Variants in FER observed in about 807,000 individuals in gnomAD.
The protein encoded by FER is tyrosine-protein kinase Fer.
Under a neutral mutation model 111.0 loss-of-function variants are expected in FER, and 63 were observed. That is an observed-to-expected ratio of 0.57 (90% confidence interval 0.46 to 0.70). FER has a LOEUF of 0.70. FER is among the 30% of genes least tolerant of loss of function. The pLI, the probability that FER is intolerant of heterozygous loss-of-function variation, is 0.00. For synonymous variants in FER, 327 were observed against 313.9 expected (o/e 1.04, Z -0.44); for missense variants, 914 against 954.0 (o/e 0.96, Z 0.55).
intron 2 of FER, among the ~76,000 whole-genome samples, chr5:108,778,644 T>C (rs905591527): frequency 1.1e-4 from 16 of 152,230 alleles, no homozygotes; most frequent in African/African-American, 3.9e-4. Flanking sequence ...GTGAGTTGTC[T>C]GTTAAGGTCT....
chr5:109,038,609 C>T (rs186185899), intron 14 of FER, among the ~76,000 whole-genome samples: 1 of 152,026 alleles, frequency 6.6e-6, no homozygotes, highest in Admixed American at 6.6e-5. Flanking sequence ...TAAAGAACCT[C>T]AAGCTAAAAG....
chr5:109,027,893 A>G (rs1768983569), intron 13 of FER, among the ~76,000 whole-genome samples: 1 of 152,220 alleles, frequency 6.6e-6, no homozygotes, highest in African/African-American at 2.4e-5. Flanking sequence ...AGTTATTTTT[A>G]TAGCTTTTGC....
Position 108,883,388 on chromosome 5 carries a change from T to A in FER, c.924-8T>A. 3.1e-6 allele frequency: 5 copies of A among 1,595,404 alleles called. No individual in the cohort carries two copies. The highest frequency in any genetic ancestry group is 4.3e-6 in the Non-Finnish European group (5 of 1,171,534). On this transcript the variant is annotated splice_polypyrimidine_tract_variant and splice_region_variant and intron_variant, in intron 8 of 19. Coordinates refer to ENST00000281092, the MANE Select transcript of FER (RefSeq NM_005246.4). ...GTTGGTTGTTATTGAGGATACTGTT[T>A]ATTCTAGGTTGAAAACGTTAGCGGA...
intron 2 of FER, among the ~76,000 whole-genome samples, chr5:108,780,518 C>A (rs955900248): frequency 1.3e-5 from 2 of 151,262 alleles, no homozygotes; most frequent in African/African-American, 4.9e-5. Flanking sequence ...GTCTTTTTTC[C>A]ACTGTCTTCT....
At chr5:108,864,427 T>G (rs1375658207) in intron 5 of FER, among the ~76,000 whole-genome samples, 1 of 152,144 alleles carries the variant, frequency 6.6e-6, no homozygotes, top group Non-Finnish European at 1.5e-5. Flanking sequence ...AACCCTCACC[T>G]TTTCTCTGCT....
chr5:108,964,429 T>C (rs1215509785), intron 13 of FER, among the ~76,000 whole-genome samples: 1 of 152,222 alleles, frequency 6.6e-6, no homozygotes, highest in Non-Finnish European at 1.5e-5. Flanking sequence ...TGTACCAACC[T>C]ATCAGAACAG....
intron 17 of FER, among the ~76,000 whole-genome samples, chr5:109,103,745 A>C (rs868346678): frequency 2.2e-4 from 34 of 152,198 alleles, no homozygotes; most frequent in African/African-American, 8.0e-4. Flanking sequence ...GTTTACTTAC[A>C]AAGGTATGTT....
intron 3 of FER, among the ~76,000 whole-genome samples, chr5:108,829,259 A>G (rs1246854743): frequency 1.3e-5 from 2 of 152,004 alleles, no homozygotes; most frequent in South Asian, 2.1e-4. Flanking sequence ...CTGCTCTGCT[A>G]TTTCTGTTAT....
chr5:109,048,785 T>A (rs535711202), intron 16 of FER, among the ~76,000 whole-genome samples: 39 of 152,094 alleles, frequency 2.6e-4, no homozygotes, highest in Non-Finnish European at 4.0e-4. Flanking sequence ...TTAATGCAGA[T>A]GCTTTAAATT....
Position 108,798,301 on chromosome 5 carries a change from A to ATCTACTTTAC in FER, c.119_120insTCTACTTTAC (p.Lys40AsnfsTer15). 1 of 1,614,008 alleles carries ATCTACTTTAC rather than the reference A, an allele frequency of 6.2e-7. No homozygotes were observed. Among genetic ancestry groups the ATCTACTTTAC allele is most frequent in the Non-Finnish European group, 8.5e-7 (1 of 1,179,864 alleles). On this transcript the variant is annotated frameshift_variant, in exon 3 of 20. Transcript: ENST00000281092. LOFTEE classifies it high-confidence loss of function. ...ATGGCCCTGAGAATAAAAAGTGATA[A>ATCTACTTTAC]AGAATATGCATCTACTTTACAGAAC...
In FER at chr5:108,873,254, A is replaced by G. The variant is rs562840878; in HGVS notation, c.923+1042A>G. Among the ~76,000 whole-genome samples the G allele has an allele frequency of 3.3e-5, 5 of 151,996 alleles. No homozygotes were observed. In the South Asian group the frequency reaches 8.3e-4, roughly 25 times the overall value. ...CTGCCTCGCAGTTCAAATGATTCTC[A>G]TGCCTCAGCCTCCTGAGTAGCTGGA... is the stretch of plus-strand genomic sequence containing the variant. On this transcript the variant is annotated intron_variant, in intron 8 of 19. Coordinates refer to ENST00000281092, the MANE Select transcript of FER (RefSeq NM_005246.4).
chr5:108,786,370 T>C lies in FER; in HGVS notation c.-59-11754T>C, dbSNP rs185447335. On this transcript the variant is annotated intron_variant, in intron 2 of 19. Coordinates refer to ENST00000281092, the MANE Select transcript of FER (RefSeq NM_005246.4). ...TCCAGTGTGAAGTCTCAGGATTTTG[T>C]TAACTTTTCTTTGCCAGAATATCTT... is the stretch of plus-strand genomic sequence containing the variant. Among the ~76,000 whole-genome samples the C allele has an allele frequency of 1.5e-3, 234 of 152,374 alleles. 1 individual carries two copies. The highest frequency in any genetic ancestry group is 0.01 in the Middle Eastern group (3 of 294).
chr5:108,971,632 T>C (rs1047219224), intron 13 of FER, among the ~76,000 whole-genome samples: 3 of 152,164 alleles, frequency 2.0e-5, no homozygotes, highest in Non-Finnish European at 4.4e-5. Flanking sequence ...GATTTTAGCA[T>C]CCTTTAAATG....
intron 13 of FER, among the ~76,000 whole-genome samples, chr5:109,014,421 G>T (rs866748247): frequency 6.6e-6 from 1 of 152,112 alleles, no homozygotes; most frequent in Non-Finnish European, 1.5e-5. Context: ...TGAGGGCTCT[G>T]TTCTGTTCCA....
chr5:108,902,942 C>A (rs1750248712), intron 10 of FER, among the ~76,000 whole-genome samples: 1 of 151,302 alleles, frequency 6.6e-6, no homozygotes, highest in Non-Finnish European at 1.5e-5. Context: ...GAGACATGTT[C>A]TTCATTCTTT....
chr5:109,070,243 A>G (rs1161877031), intron 16 of FER, among the ~76,000 whole-genome samples: 2 of 152,042 alleles, frequency 1.3e-5, no homozygotes, highest in African/African-American at 2.4e-5. Context: ...AGATAAAAAC[A>G]TGTTTCACTT....
chr5:108,767,893 C>T (rs969550492), intron 1 of FER, among the ~76,000 whole-genome samples, 200 bp from the exon 2 acceptor site: 5 of 152,058 alleles, frequency 3.3e-5, no homozygotes, highest in Admixed American at 6.5e-5. Flanking sequence ...ATTACTGTTT[C>T]GGAAAGTTAG....
chr5:109,034,783 G>A (rs1770133453), intron 13 of FER, among the ~76,000 whole-genome samples: 2 of 152,062 alleles, frequency 1.3e-5, no homozygotes, highest in Non-Finnish European at 2.9e-5. Context: ...AAGTGGAAAA[G>A]CTGTCCAAGA....
chr5:108,784,543 T>C (rs1754461993), intron 2 of FER: 1 of 152,464 alleles, frequency 6.6e-6, no homozygotes, highest in African/African-American at 2.4e-5. Context: ...TCAGCGGCGC[T>C]AGAGGAATTA....
Sources: gnomAD v4.1 joint callset for allele counts (sites outside exome capture counted in the v4.1 genomes callset) on GRCh38, gnomAD v4.1.1 for gene constraint, MANE v1.5 for transcripts, NCBI Gene and HGNC (gene_info 2026-07-23, HGNC 2026-07-21) for gene names.